TBC1D4: variants seen among roughly 807,000 people sequenced by gnomAD.
TBC1D4 encodes TBC1 domain family member 4.
A neutral mutation model predicts 142.5 loss-of-function variants in TBC1D4; 121 were observed. The ratio of observed to expected loss-of-function variants is 0.85; its 90% confidence interval spans 0.73 to 0.99. The LOEUF (loss-of-function observed/expected upper bound fraction) is 0.99. Among genes scored for constraint, TBC1D4 ranks in the 50% least tolerant of loss-of-function variants. The probability of loss-of-function intolerance (pLI) is 0.00; values close to 1 mark genes in which losing one functional copy is unlikely to be tolerated. For missense variants in TBC1D4, 1,475 were observed against 1,606.6 expected, an observed-to-expected ratio of 0.92 and a Z score of 1.40; for synonymous variants, 630 against 628.2, an observed-to-expected ratio of 1.00 and a Z score of -0.04.
intron 1 of TBC1D4, among the ~76,000 whole-genome samples, chr13:75,376,402 GA>G (rs1883513482): frequency 1.4e-5 from 2 of 141,458 alleles, no homozygotes; most frequent in African/African-American, 2.7e-5. Flanking sequence ...TTTTGAGATG[GA>G]ATCTCACTGT....
intron 3 of TBC1D4, among the ~76,000 whole-genome samples, chr13:75,356,662 C>G (rs1264076481): frequency 6.6e-6 from 1 of 152,144 alleles, no homozygotes; most frequent in Non-Finnish European, 1.5e-5. Context: ...CTAATACTGA[C>G]AATACTCAAA....
rs542549548 is a variant in TBC1D4 at position 75,284,880 on chromosome 13, C to T, written c.*1912G>A. On this transcript the variant is annotated 3_prime_UTR_variant, in exon 21 of 21. Coordinates refer to ENST00000377636, the MANE Select transcript of TBC1D4 (RefSeq NM_014832.5). ...ACTCTTAATGTTGATTCTAAACATC[C>T]AGGATAAAGTTTACTTTAAACTGAA... The T allele has an allele frequency of 6.6e-6, 1 of 152,286 alleles. No individual in the cohort carries two copies. Among genetic ancestry groups the T allele is most frequent in the Admixed American group, 6.5e-5 (1 of 15,298 alleles). 9.4% of individuals were successfully genotyped at this position (152,286 alleles called of 1,614,324 possible).
intron 1 of TBC1D4, among the ~76,000 whole-genome samples, chr13:75,468,015 T>C (rs1051541616): frequency 2.0e-5 from 3 of 152,198 alleles, no homozygotes; most frequent in East Asian, 1.9e-4. Flanking sequence ...CATTCATTCA[T>C]TTCCCTTTTT....
At chr13:75,437,574 CT>C (rs747232374) in intron 1 of TBC1D4, among the ~76,000 whole-genome samples, 4 of 151,068 alleles carry the variant, frequency 2.6e-5, no homozygotes, top group Non-Finnish European at 5.9e-5. Flanking sequence ...CCTTAAATTC[CT>C]TTAAGTGCTA....
chr13:75,369,354 T>C (rs1450830034), intron 1 of TBC1D4, among the ~76,000 whole-genome samples: 1 of 151,582 alleles, frequency 6.6e-6, no homozygotes, highest in African/African-American at 2.4e-5. Context: ...CAGGAAGGAG[T>C]TGTGGCACAT....
chr13:75,446,010 T>C (rs1419992102), intron 1 of TBC1D4, among the ~76,000 whole-genome samples: 1 of 152,156 alleles, frequency 6.6e-6, no homozygotes, highest in Non-Finnish European at 1.5e-5. Context: ...ACCAGGCTGG[T>C]TTGGAAACCG....
At chr13:75,467,563 C>T (rs923569066) in intron 1 of TBC1D4, among the ~76,000 whole-genome samples, 3 of 152,060 alleles carry the variant, frequency 2.0e-5, no homozygotes, top group Non-Finnish European at 4.4e-5. Context: ...ACTAGACAGA[C>T]TATGAAGGAG....
chr13:75,348,958 T>TGA (rs1405558980), intron 5 of TBC1D4, among the ~76,000 whole-genome samples: 2 of 62,764 alleles, frequency 3.2e-5, no homozygotes, highest in African/African-American at 9.8e-5. Flanking sequence ...AGAGAGAGTG[T>TGA]GTGTGTGTGT....
chr13:75,292,331 C>G (rs376751992), intron 18 of TBC1D4, 60 bp from the exon 19 acceptor site: 6 of 1,421,776 alleles, frequency 4.2e-6, no homozygotes, highest in Admixed American at 1.8e-5. Flanking sequence ...GTAAAAAGCA[C>G]GCTATTTGTG....
In TBC1D4 at chr13:75,326,299, C is replaced by T; in HGVS notation, c.1931G>A (p.Ser644Asn). The stretch of plus-strand genomic sequence containing the variant: ...TCTCTTTGTGCTTGAAGGTGGGTGG[C>T]TGAACGTGTGTGCCCGTCTTCGAAA... ...PQFRRRAHTF[S>N]HPPSSTKRKL... The change falls in exon 10 of 21, where the codon AGC becomes AAC. Residue 644 changes from serine to asparagine, a missense_variant. Ser to Asn is a conservative substitution (Grantham distance 46). Coordinates refer to ENST00000377636, the MANE Select transcript of TBC1D4 (RefSeq NM_014832.5). The T allele has an allele frequency of 6.2e-7, 1 of 1,614,148 alleles. No homozygotes were observed. The highest frequency in any genetic ancestry group is 2.2e-5 in the East Asian group (1 of 44,860).
At chr13:75,359,452 T>C (rs1364603053) in intron 3 of TBC1D4, among the ~76,000 whole-genome samples, 1 of 152,180 alleles carries the variant, frequency 6.6e-6, no homozygotes, top group Non-Finnish European at 1.5e-5. Context: ...AGGAACTAAC[T>C]GTGAAGGTAT....
chr13:75,438,691 T>A lies in TBC1D4; in HGVS notation c.498+42579A>T, dbSNP rs922573897. Among the ~76,000 whole-genome samples the A allele has an allele frequency of 3.1e-4, 47 of 152,324 alleles. 1 individual carries two copies. Among genetic ancestry groups the A allele is most frequent in the Non-Finnish European group, 1.5e-5 (1 of 68,026 alleles). On this transcript the variant is annotated intron_variant, in intron 1 of 20. Coordinates refer to ENST00000377636, the MANE Select transcript of TBC1D4 (RefSeq NM_014832.5). ...TCATGCAGAAACATGGTGTGTCTCT[T>A]CACTTATTTTTTAAAGCAGATTAAT...
chr13:75,355,292 T>C (rs921845156), intron 4 of TBC1D4, among the ~76,000 whole-genome samples: 1 of 152,194 alleles, frequency 6.6e-6, no homozygotes, highest in Admixed American at 6.5e-5. Flanking sequence ...TCTGTAAACT[T>C]TTCTAAGAAT....
chr13:75,410,884 C>A (rs1445748875), intron 1 of TBC1D4, among the ~76,000 whole-genome samples: 2 of 122,372 alleles, frequency 1.6e-5, no homozygotes, highest in South Asian at 5.4e-4. Flanking sequence ...TGCAGTGAGC[C>A]GAGATCGCGC....
At chr13:75,393,621 A>C (rs1190829183) in intron 1 of TBC1D4, among the ~76,000 whole-genome samples, 1 of 152,072 alleles carries the variant, frequency 6.6e-6, no homozygotes, top group African/African-American at 2.4e-5. Context: ...CTTGGGGAAA[A>C]ATTTTTTAAA....
intron 1 of TBC1D4, among the ~76,000 whole-genome samples, chr13:75,446,680 T>C (rs995380228): frequency 2.1e-4 from 32 of 152,244 alleles, no homozygotes; most frequent in Admixed American, 1.4e-3. Flanking sequence ...CAATTGGGAC[T>C]TGATGTGACA....
chr13:75,319,890 G>C, intron 12 of TBC1D4, 124 bp downstream of exon 12: 1 of 947,704 alleles, frequency 1.1e-6, no homozygotes, highest in Non-Finnish European at 1.6e-6. Context: ...ATAGCCCTCA[G>C]AGCACTCAGA....
At chr13:75,462,228 A>G (rs1303850611) in intron 1 of TBC1D4, among the ~76,000 whole-genome samples, 1 of 152,192 alleles carries the variant, frequency 6.6e-6, no homozygotes, top group East Asian at 1.9e-4. Context: ...GGGCAGTTCA[A>G]TTACGGAAAC....
At chr13:75,457,035 G>A (rs1256497316) in intron 1 of TBC1D4, among the ~76,000 whole-genome samples, 1 of 151,994 alleles carries the variant, frequency 6.6e-6, no homozygotes. Flanking sequence ...ATAAAAGAGT[G>A]CATACTGTAT....
Sources: allele counts gnomAD v4.1 joint callset (sites outside exome capture counted in the v4.1 genomes callset), GRCh38; gene constraint gnomAD v4.1.1; transcripts MANE v1.5; gene names NCBI Gene and HGNC (gene_info 2026-07-23, HGNC 2026-07-21).